The following CTNND1 variants were observed in gnomAD, a reference collection of about 807,000 sequenced individuals.
CTNND1 encodes catenin delta-1.
Under a neutral mutation model 112.1 loss-of-function variants are expected in CTNND1, and 16 were observed. The ratio of observed to expected loss-of-function variants is 0.14; its 90% CI spans 0.10 to 0.22. CTNND1 has a LOEUF of 0.22. CTNND1 is among the 10% of genes least tolerant of loss of function. CTNND1 has a pLI of 1.00. For missense variants in CTNND1, 1,008 were observed against 1,257.0 expected (o/e 0.80, Z 3.00); for synonymous variants, 420 against 446.5 (o/e 0.94, Z 0.75).
chr11:57,786,963 A>T (rs2060205875), intron 1 of CTNND1, among the ~76,000 whole-genome samples: 1 of 152,214 alleles, frequency 6.6e-6, no homozygotes, highest in African/African-American at 2.4e-5. Context: ...ACACCATGGC[A>T]TAGAAAGAGA....
Position 57,762,028 on chromosome 11 carries a change from T to C in CTNND1, c.-305T>C. Reference sequence around the variant, plus strand: ...GGTTTCTTTCTTAAAGGACTGATTTTTAGAACTCCACATTTGAGGTGTGTG... The same window carrying C: ...GGTTTCTTTCTTAAAGGACTGATTTCTAGAACTCCACATTTGAGGTGTGTG... On this transcript the variant is annotated 5_prime_UTR_variant, in exon 1 of 21. Coordinates refer to ENST00000399050, the MANE Select transcript of CTNND1 (RefSeq NM_001085458.2). The C allele has an allele frequency of 1.0e-6, 1 of 985,470 alleles. No homozygotes were observed. Among genetic ancestry groups the C allele is most frequent in the Non-Finnish European group, 1.2e-6 (1 of 829,930 alleles). 61.0% of individuals were successfully genotyped at this position (985,470 alleles called of 1,614,324 possible). A position where few individuals can be genotyped will look rare whatever the true frequency, so the allele number is the denominator to read the frequency against.
intron 2 of CTNND1, among the ~76,000 whole-genome samples, chr11:57,790,887 G>C (rs1474310933): frequency 6.6e-6 from 1 of 151,902 alleles, no homozygotes; most frequent in African/African-American, 2.4e-5. Context: ...ATTTAGTTTA[G>C]CATAGTAATT....
Position 57,815,993 on chromosome 11 carries a change from CCCTCCATGGTATGT to C in CTNND1, c.2891_2895+9del. The C allele has an allele frequency of 6.3e-7, 1 of 1,585,200 alleles. No individual in the cohort carries two copies. Among genetic ancestry groups the C allele is most frequent in the Non-Finnish European group, 8.5e-7 (1 of 1,171,426 alleles). On this transcript the variant is annotated splice_donor_variant and splice_donor_5th_base_variant and coding_sequence_variant and intron_variant, in exon 20 of 21. Transcript: ENST00000399050. LOFTEE classifies it high-confidence loss of function. ...TGATGAGGGGGGCCAAGTGTCTTACCCCTCCATGGTATGTCCTTCAGTCACCCCCAAGATTGTTC... is the reference window on the plus strand; with the variant it reads ...TGATGAGGGGGGCCAAGTGTCTTACCCCTTCAGTCACCCCCAAGATTGTTC...
chr11:57,765,621 T>A (rs1950863578), intron 1 of CTNND1, among the ~76,000 whole-genome samples: 1 of 151,802 alleles, frequency 6.6e-6, no homozygotes, highest in South Asian at 2.1e-4. Flanking sequence ...TGCACACCAC[T>A]ATGCTTGGCT....
intron 6 of CTNND1, among the ~76,000 whole-genome samples, chr11:57,799,756 TTAA>T (rs1447241410): frequency 3.3e-5 from 5 of 152,136 alleles, no homozygotes; most frequent in Non-Finnish European, 5.9e-5. Flanking sequence ...ATTTTGTATA[TTAA>T]TAATAGAGGT....
chr11:57,814,274 T>G lies in CTNND1; in HGVS notation c.2639-37T>G, dbSNP rs372847739. The stretch of plus-strand genomic sequence containing the variant: ...CATGATGTGTACAGATTTTGAAGAA[T>G]TGTTTTTGACATGGATAACTTTCTG... On this transcript the variant is annotated intron_variant, in intron 17 of 20. Coordinates refer to ENST00000399050, the MANE Select transcript of CTNND1 (RefSeq NM_001085458.2). 3 of 1,520,106 alleles carry G rather than the reference T, an allele frequency of 2.0e-6. No individual in the cohort carries two copies. In the East Asian group the frequency reaches 6.8e-5, roughly 34 times the overall value. 94.2% of individuals were successfully genotyped at this position (1,520,106 alleles called of 1,614,324 possible).
chr11:57,778,153 G>A (rs1001480433), intron 1 of CTNND1, among the ~76,000 whole-genome samples: 1 of 151,890 alleles, frequency 6.6e-6, no homozygotes, highest in African/African-American at 2.4e-5. Flanking sequence ...CTAGGGAAAC[G>A]GGGAACTTTG....
At chr11:57,805,418 G>GT (rs2062542022) in intron 9 of CTNND1, among the ~76,000 whole-genome samples, 2 of 150,230 alleles carry the variant, frequency 1.3e-5, no homozygotes, top group African/African-American at 4.9e-5. Flanking sequence ...TAATTTTTGT[G>GT]TTTTAGTAGA....
rs1053734366 is a variant in CTNND1 at position 57,808,035 on chromosome 11, G to C, written c.1964-130G>C. 7 of 977,154 alleles carry C rather than the reference G, an allele frequency of 7.2e-6. No homozygotes were observed. The East Asian group carries it at 1.3e-4, about 18-fold the overall frequency. The allele number at this position is 977,154 out of a possible 1,614,324, so 60.5% of individuals were successfully genotyped here. A position where few individuals can be genotyped will look rare whatever the true frequency, so the allele number is the denominator to read the frequency against. ...AGTTTGCTGTAGAGAGTGTGAGAGA[G>C]TTTAGGGAACCTGATGGTATAGAAG... On this transcript the variant is annotated intron_variant, in intron 12 of 20. Transcript: ENST00000399050.
At chr11:57,778,642 G>C (rs965587068) in intron 1 of CTNND1, among the ~76,000 whole-genome samples, 3 of 152,200 alleles carry the variant, frequency 2.0e-5, no homozygotes, top group Admixed American at 6.5e-5. Flanking sequence ...GGGCAAAGTG[G>C]GGGCTCTGGC....
chr11:57,765,460 A>ATTTTTTTTTTTTTTTTTTTTTTTTTTTT (rs5792061), intron 1 of CTNND1, among the ~76,000 whole-genome samples: 1 of 105,600 alleles, frequency 9.5e-6, no homozygotes, highest in Non-Finnish European at 1.9e-5. Context: ...TCCTCCCTTA[A>ATTTTTTTTTTTTTTTTTTTTTTTTTTTT]TTTTTTTTTT....
chr11:57,767,258 G>A (rs562320914), intron 1 of CTNND1, among the ~76,000 whole-genome samples: 4 of 152,088 alleles, frequency 2.6e-5, no homozygotes, highest in Non-Finnish European at 5.9e-5. Flanking sequence ...ACTGCGCCCG[G>A]CCAGAATTTT....
intron 14 of CTNND1, 69 bp downstream of exon 14, chr11:57,808,609 T>G: frequency 7.2e-7 from 1 of 1,388,876 alleles, no homozygotes. Flanking sequence ...AGGTGCCTAA[T>G]AATTTATTGA....
chr11:57,775,666 A>T (rs888240007), intron 1 of CTNND1, among the ~76,000 whole-genome samples: 1 of 151,658 alleles, frequency 6.6e-6, no homozygotes, highest in Non-Finnish European at 1.5e-5. Flanking sequence ...GGCCAATGTT[A>T]CTTCCTGTCT....
At chr11:57,807,918 G>A (rs575311791) in intron 12 of CTNND1, among the ~76,000 whole-genome samples, 10 of 152,266 alleles carry the variant, frequency 6.6e-5, no homozygotes, top group Non-Finnish European at 1.2e-4. Context: ...AGGCAAGAAG[G>A]AAGGAAAGAG....
chr11:57,781,130 C>T lies in CTNND1; in HGVS notation c.-213-7907C>T, dbSNP rs893123782. Among the ~76,000 whole-genome samples the T allele has an allele frequency of 5.3e-5, 8 of 152,120 alleles. No homozygotes were observed. The South Asian group carries it at 8.3e-4, about 16-fold the overall frequency. On this transcript the variant is annotated intron_variant, in intron 1 of 20. Coordinates refer to ENST00000399050, the MANE Select transcript of CTNND1 (RefSeq NM_001085458.2). ...ATTTTTGTATTTTCAGCAGAGACAGCGTTTCACCATGTTGACCAGGCTAGT... is the reference window on the plus strand; with the variant it reads ...ATTTTTGTATTTTCAGCAGAGACAGTGTTTCACCATGTTGACCAGGCTAGT...
At chr11:57,790,550 G>GTTTTTTTTTTTTT (rs1289668046) in intron 2 of CTNND1, among the ~76,000 whole-genome samples, 1 of 85,922 alleles carries the variant, frequency 1.2e-5, no homozygotes. Flanking sequence ...GTCTGTGTGT[G>GTTTTTTTTTTTTT]TGTTTTTTTT....
intron 20 of CTNND1, 56 bp from the exon 21 acceptor site, chr11:57,816,241 G>GT (rs1555070222): frequency 3.1e-6 from 5 of 1,608,452 alleles, no homozygotes; most frequent in Non-Finnish European, 3.4e-6. Context: ...TTTTTGGGGG[G>GT]GGTCTCCTTA....
chr11:57,814,461 C>T lies in CTNND1; in HGVS notation c.2701+88C>T, dbSNP rs1565383952. 11 of 940,430 alleles carry T rather than the reference C, an allele frequency of 1.2e-5. No individual in the cohort carries two copies. The Admixed American group carries it at 2.3e-4, about 19-fold the overall frequency. The allele number at this position is 940,430 out of a possible 1,614,324, so 58.3% of individuals were successfully genotyped here. ...TAGCTCTATAGTTTTTTTTCTAATA[C>T]CCTTACCATTTACCATCCTGGGAGA... On this transcript the variant is annotated intron_variant, in intron 18 of 20. Coordinates refer to ENST00000399050, the MANE Select transcript of CTNND1 (RefSeq NM_001085458.2).
Sources: gnomAD v4.1 joint callset for allele counts (sites outside exome capture counted in the v4.1 genomes callset) on GRCh38, gnomAD v4.1.1 for gene constraint, MANE v1.5 for transcripts, NCBI Gene and HGNC (gene_info 2026-07-23, HGNC 2026-07-21) for gene names.